GALNT14: variants seen among roughly 807,000 people sequenced by gnomAD.
GALNT14 encodes the protein UDP-GalNAc:polypeptide N-acetylgalactosaminyltransferase 14.
In GALNT14, 60 loss-of-function variants were observed where a neutral mutation model predicts 77.5. That is an observed-to-expected ratio of 0.77 (90% CI 0.63 to 0.96). The LOEUF is 0.96. Ranked by LOEUF, GALNT14 falls within the 40% of genes least tolerant of loss-of-function variation. The pLI is 0.00. For synonymous variants in GALNT14, 280 were observed against 281.7 expected, an observed-to-expected ratio of 0.99 and a Z score of 0.06; for missense variants, 710 against 731.0, an observed-to-expected ratio of 0.97 and a Z score of 0.33.
chr2:30,944,957 C>T lies in GALNT14; in HGVS notation c.743-15G>A. The T allele has an allele frequency of 6.3e-7, 1 of 1,589,100 alleles. No individual in the cohort carries two copies. The highest frequency in any genetic ancestry group is 1.7e-5 in the Admixed American group (1 of 57,336). On this transcript the variant is annotated splice_polypyrimidine_tract_variant and intron_variant, in intron 7 of 14. Coordinates refer to ENST00000349752, the MANE Select transcript of GALNT14 (RefSeq NM_024572.4). ...CCAGTCAAACCCTACAACACAGCAC[C>T]AACCCACCTGCTTTGGTCTCTCAAA...
chr2:31,007,440 G>A (rs544041975), intron 1 of GALNT14, among the ~76,000 whole-genome samples: 71 of 152,224 alleles, frequency 4.7e-4, no homozygotes, highest in African/African-American at 1.6e-3. Context: ...CAAATGACAC[G>A]CGTGTCACCA....
chr2:30,900,180 TG>T, the GALNT14 span, among the ~76,000 whole-genome samples: 2 of 152,204 alleles, frequency 1.3e-5, no homozygotes, highest in Non-Finnish European at 2.9e-5. Context: ...CTGAGATTCA[TG>T]CAGATGAAAT....
chr2:31,101,991 TC>T (rs1346226027), intron 1 of GALNT14, among the ~76,000 whole-genome samples: 1 of 152,036 alleles, frequency 6.6e-6, no homozygotes, highest in Non-Finnish European at 1.5e-5. Context: ...TGCTTCCCCT[TC>T]CCCCAAGATT....
intron 9 of GALNT14, among the ~76,000 whole-genome samples, chr2:30,941,780 T>C (rs1279389714): frequency 6.6e-6 from 1 of 152,232 alleles, no homozygotes; most frequent in Non-Finnish European, 1.5e-5. Flanking sequence ...TGGATGTCAC[T>C]GCTGTTCCTG....
chr2:30,945,003 C>G (rs755502476), intron 7 of GALNT14, 61 bp from the exon 8 acceptor site: 52 of 1,439,236 alleles, frequency 3.6e-5, no homozygotes, highest in South Asian at 1.7e-4. Flanking sequence ...CATTCTGCAC[C>G]CTCTCCAGAA....
At chr2:30,973,518 A>G (rs1668477645) in intron 2 of GALNT14, among the ~76,000 whole-genome samples, 1 of 152,238 alleles carries the variant, frequency 6.6e-6, no homozygotes, top group Admixed American at 6.5e-5. Context: ...TCCACAGCTC[A>G]GATCTATGTA....
At chr2:31,137,158 T>C (rs182172900) in intron 1 of GALNT14, among the ~76,000 whole-genome samples, 2 of 152,234 alleles carry the variant, frequency 1.3e-5, no homozygotes, top group South Asian at 2.1e-4. Context: ...CTCCTATTGA[T>C]CTGCCTTTTG....
At chr2:30,936,799 C>T (rs552210665) in intron 9 of GALNT14, among the ~76,000 whole-genome samples, 2 of 152,324 alleles carry the variant, frequency 1.3e-5, no homozygotes, top group East Asian at 3.9e-4. Flanking sequence ...CCATCCACAC[C>T]TCTTACTCTA....
At chr2:30,906,140 G>T (rs1455944681), downstream of GALNT14, among the ~76,000 whole-genome samples, 1 of 150,332 alleles carries the variant, frequency 6.7e-6, no homozygotes, top group Non-Finnish European at 1.5e-5. Flanking sequence ...AGACTAGGAA[G>T]AAACTGCATC....
intron 1 of GALNT14, among the ~76,000 whole-genome samples, chr2:30,994,848 G>A (rs764423215): frequency 4.6e-5 from 7 of 152,154 alleles, no homozygotes; most frequent in Admixed American, 2.6e-4. Flanking sequence ...CCCTGCTCTC[G>A]AGGGGATTGC....
intron 1 of GALNT14, among the ~76,000 whole-genome samples, chr2:31,091,372 A>G (rs1676728169): frequency 6.6e-6 from 1 of 152,272 alleles, no homozygotes; most frequent in African/African-American, 2.4e-5. Flanking sequence ...TTTGTGCCAC[A>G]CCAGGAGAGC....
Position 30,932,146 on chromosome 2 carries a change from G to A in GALNT14, c.980C>T (p.Pro327Leu). 1 of 1,568,350 alleles carries A rather than the reference G, an allele frequency of 6.4e-7. No individual in the cohort carries two copies. The highest frequency in any genetic ancestry group is 2.4e-5 in the East Asian group (1 of 41,122). ...GAAGACGTGCCCCACTCGGCTGCAG[G>A]GGACGATCTCTAGGCTGCCCCCGCA... Reference protein sequence around the residue: ...WMCGGSLEIVPCSRVGHVFRK... With the variant: ...WMCGGSLEIVLCSRVGHVFRK... The change falls in exon 10 of 15, where the codon CCC becomes CTC. Residue 327 changes from proline to leucine, a missense_variant. Transcript: ENST00000349752.
At chr2:30,917,012 G>A (rs1285132567) in intron 13 of GALNT14, among the ~76,000 whole-genome samples, 1 of 148,318 alleles carries the variant, frequency 6.7e-6, no homozygotes, top group Admixed American at 6.8e-5. Context: ...GGGAGACAGA[G>A]GTTGCAGTGA....
intron 9 of GALNT14, among the ~76,000 whole-genome samples, chr2:30,940,092 T>C (rs936415698): frequency 1.3e-5 from 2 of 152,150 alleles, no homozygotes; most frequent in Non-Finnish European, 2.9e-5. Context: ...AATGAAGTGT[T>C]CCCTGTGATA....
At chr2:30,895,526 T>G in the GALNT14 span, among the ~76,000 whole-genome samples, 1 of 152,146 alleles carries the variant, frequency 6.6e-6, no homozygotes, top group Non-Finnish European at 1.5e-5. Flanking sequence ...AAACAATTAG[T>G]GTAAAGTTCA....
At chr2:30,893,441 GT>G in the GALNT14 span, among the ~76,000 whole-genome samples, 1 of 152,026 alleles carries the variant, frequency 6.6e-6, no homozygotes, top group East Asian at 1.9e-4. Context: ...AAGAAAGGAG[GT>G]TTATTGTAAT....
At chr2:30,980,106 G>A (rs1468868202) in intron 2 of GALNT14, among the ~76,000 whole-genome samples, 5 of 152,288 alleles carry the variant, frequency 3.3e-5, no homozygotes, top group South Asian at 2.1e-4. Context: ...GCTCTCTAAG[G>A]ACTTCCCTGC....
intron 1 of GALNT14, among the ~76,000 whole-genome samples, chr2:31,014,188 G>A (rs1389009986): frequency 1.3e-5 from 2 of 152,174 alleles, no homozygotes; most frequent in East Asian, 1.9e-4. Flanking sequence ...AAAAGCAGTG[G>A]CTTGCACATA....
intron 1 of GALNT14, among the ~76,000 whole-genome samples, chr2:31,072,718 T>C (rs1158969890): frequency 6.6e-6 from 1 of 151,626 alleles, no homozygotes; most frequent in Non-Finnish European, 1.5e-5. Context: ...AGACAGGAGG[T>C]AAGAGATGAG....
Sources: gnomAD v4.1 joint callset for allele counts (sites outside exome capture counted in the v4.1 genomes callset) on GRCh38, gnomAD v4.1.1 for gene constraint, MANE v1.5 for transcripts, NCBI Gene and HGNC (gene_info 2026-07-23, HGNC 2026-07-21) for gene names.